The following CADPS2 variants were observed in gnomAD, a reference collection of about 807,000 sequenced individuals.
CADPS2 encodes calcium-dependent secretion activator 2.
Under a neutral mutation model 172.5 loss-of-function variants are expected in CADPS2, and 93 were observed. The observed-to-expected ratio is 0.54, with a 90% CI of 0.46 to 0.64. The LOEUF (loss-of-function observed/expected upper bound fraction) is 0.64, where lower values mean the gene tolerates loss of function less well. CADPS2 is among the 30% of genes least tolerant of loss of function. The pLI is 0.00. For synonymous variants in CADPS2, 546 were observed against 555.2 expected (o/e 0.98, Z 0.23); for missense variants, 1,420 against 1,565.9 (o/e 0.91, Z 1.57).
intron 1 of CADPS2, among the ~76,000 whole-genome samples, chr7:122,760,518 AT>A (rs938148347): frequency 2.0e-5 from 3 of 152,074 alleles, no homozygotes; most frequent in East Asian, 3.9e-4. Flanking sequence ...AAAAAGCCAA[AT>A]CCTAACCTGA....
At chr7:122,430,541 TA>T (rs1442096153) in intron 17 of CADPS2, among the ~76,000 whole-genome samples, 1 of 151,858 alleles carries the variant, frequency 6.6e-6, no homozygotes, top group Admixed American at 6.6e-5. Context: ...GAATTACAAG[TA>T]AAAAAAAGAT....
At chr7:122,778,952 A>G (rs1396307356) in intron 1 of CADPS2, among the ~76,000 whole-genome samples, 1 of 152,162 alleles carries the variant, frequency 6.6e-6, no homozygotes, top group Non-Finnish European at 1.5e-5. Context: ...GGTAGGAAGT[A>G]ATTGAATCAT....
intron 2 of CADPS2, among the ~76,000 whole-genome samples, chr7:122,687,984 ATC>A (rs937327689): frequency 2.6e-5 from 4 of 152,214 alleles, no homozygotes; most frequent in Non-Finnish European, 5.9e-5. Context: ...ATCACCCAGA[ATC>A]TGTTCTATGA....
Position 122,416,025 on chromosome 7 carries a change from A to G in CADPS2, c.2580+36T>C, listed in dbSNP as rs1318839711. On this transcript the variant is annotated intron_variant, in intron 18 of 29. Coordinates refer to ENST00000449022, the MANE Select transcript of CADPS2 (RefSeq NM_017954.11). The stretch of plus-strand genomic sequence containing the variant: ...AGCCACAACCATGGTGAAGCCTTAC[A>G]TATAGCTTTATACTACAGTGAAAAC... The G allele has an allele frequency of 2.2e-6, 3 of 1,335,616 alleles. No homozygotes were observed. The African/African-American group carries it at 4.3e-5, about 19-fold the overall frequency. The allele number at this position is 1,335,616 out of a possible 1,614,324, so 82.7% of individuals were successfully genotyped here. A position where few individuals can be genotyped will look rare whatever the true frequency, so the allele number is the denominator to read the frequency against.
At chr7:122,663,046 TCTC>T (rs1482294412) in intron 3 of CADPS2, among the ~76,000 whole-genome samples, 188 bp downstream of exon 3, 2 of 152,212 alleles carry the variant, frequency 1.3e-5, no homozygotes, top group Non-Finnish European at 2.9e-5. Flanking sequence ...CTGATATTCT[TCTC>T]CTTCTACCAA....
intron 3 of CADPS2, among the ~76,000 whole-genome samples, chr7:122,633,398 G>T (rs976852552): frequency 6.6e-6 from 1 of 152,078 alleles, no homozygotes; most frequent in Non-Finnish European, 1.5e-5. Context: ...TCTGCCTGTA[G>T]AGATCTTTCA....
chr7:122,703,218 T>C (rs1466986825), intron 2 of CADPS2, among the ~76,000 whole-genome samples: 1 of 152,194 alleles, frequency 6.6e-6, no homozygotes, highest in Non-Finnish European at 1.5e-5. Flanking sequence ...AGCCATATAA[T>C]GTTTTTTCTA....
intron 1 of CADPS2, among the ~76,000 whole-genome samples, chr7:122,844,453 A>G (rs1240190464): frequency 6.6e-6 from 1 of 152,192 alleles, no homozygotes; most frequent in Non-Finnish European, 1.5e-5. Flanking sequence ...TATCTTTTCA[A>G]TCACTTTTTA....
chr7:122,578,271 A>C (rs997176758), intron 7 of CADPS2, among the ~76,000 whole-genome samples: 6 of 152,116 alleles, frequency 3.9e-5, no homozygotes, highest in African/African-American at 1.4e-4. Context: ...CCAGAGACGA[A>C]CACCAATTTT....
chr7:122,571,936 T>C (rs2067319411), intron 7 of CADPS2, among the ~76,000 whole-genome samples: 1 of 152,154 alleles, frequency 6.6e-6, no homozygotes, highest in South Asian at 2.1e-4. Flanking sequence ...TACTAATTTT[T>C]CACAAATAAT....
intron 17 of CADPS2, chr7:122,425,880 T>C (rs2151850299): frequency 6.6e-6 from 1 of 152,334 alleles, no homozygotes; most frequent in Middle Eastern, 3.4e-3. Flanking sequence ...TCATTTGTTT[T>C]ATTCATAAAA....
intron 2 of CADPS2, among the ~76,000 whole-genome samples, chr7:122,713,594 T>C (rs1163068214): frequency 6.6e-6 from 1 of 151,846 alleles, no homozygotes; most frequent in African/African-American, 2.4e-5. Context: ...TCTTAACAAT[T>C]GTAAGGAAGT....
chr7:122,496,829 C>G (rs115966221), intron 9 of CADPS2, among the ~76,000 whole-genome samples: 1 of 152,062 alleles, frequency 6.6e-6, no homozygotes, highest in Non-Finnish European at 1.5e-5. Context: ...TGATTATTCA[C>G]GTCCATTAGG....
At chr7:122,885,768 G>A (rs1187417751) in intron 1 of CADPS2, among the ~76,000 whole-genome samples, 1 of 152,190 alleles carries the variant, frequency 6.6e-6, no homozygotes, top group Non-Finnish European at 1.5e-5. Context: ...CGGATGGTGA[G>A]CTGACAGCTC....
intron 1 of CADPS2, among the ~76,000 whole-genome samples, chr7:122,866,609 G>A (rs1818384815): frequency 6.6e-6 from 1 of 152,190 alleles, no homozygotes; most frequent in Admixed American, 6.5e-5. Context: ...GCTGAAGCAG[G>A]AGAATTGCTT....
At chr7:122,553,059 G>C (rs1367587685) in intron 8 of CADPS2, among the ~76,000 whole-genome samples, 6 of 152,056 alleles carry the variant, frequency 3.9e-5, no homozygotes, top group Non-Finnish European at 7.4e-5. Context: ...CTGTCTACCT[G>C]ATAAATTTAT....
At chr7:122,451,076 C>A (rs972540370) in intron 15 of CADPS2, among the ~76,000 whole-genome samples, 1 of 152,068 alleles carries the variant, frequency 6.6e-6, no homozygotes, top group Non-Finnish European at 1.5e-5. Flanking sequence ...GCAGGAGGAA[C>A]AGTCACCAGA....
rs1054188401 is a variant in CADPS2, at chr7:122,734,381, A to G, written c.453+2574T>C. On this transcript the variant is annotated intron_variant, in intron 2 of 29. Transcript: ENST00000449022. ...TAAAAAAAAAAAAAAAAAAAAAAAA[A>G]AAAAAGAAAAAAAAAAAAGAAAATC... Among the ~76,000 whole-genome samples, 194 of 92,322 alleles carry G rather than the reference A, an allele frequency of 2.1e-3. 4 individuals are homozygous for G. Among genetic ancestry groups the G allele is most frequent in the Non-Finnish European group, 3.4e-3 (136 of 40,250 alleles). The allele number at this position is 92,322 out of a possible 152,430, so 60.6% of individuals were successfully genotyped here. A position where few individuals can be genotyped will look rare whatever the true frequency, so the allele number is the denominator to read the frequency against.
At chr7:122,790,019 A>AG (rs1434952093) in intron 1 of CADPS2, among the ~76,000 whole-genome samples, 5 of 145,766 alleles carry the variant, frequency 3.4e-5, no homozygotes, top group African/African-American at 5.2e-5. Context: ...AGGCAAACAA[A>AG]TATTAAGTGT....
Sources: allele counts gnomAD v4.1 joint callset (sites outside exome capture counted in the v4.1 genomes callset), GRCh38; gene constraint gnomAD v4.1.1; transcripts MANE v1.5; gene names NCBI Gene and HGNC (gene_info 2026-07-23, HGNC 2026-07-21).